CLTCL1: variants seen among roughly 807,000 people sequenced by gnomAD.
CLTCL1 encodes the protein clathrin heavy chain like 1, also known as clathrin heavy chain 2.
In CLTCL1, 159 loss-of-function variants were observed where a neutral mutation model predicts 190.0. The ratio of observed to expected loss-of-function variants is 0.84; its 90% CI spans 0.74 to 0.95. CLTCL1 has a LOEUF of 0.95. Among genes scored for constraint, CLTCL1 ranks in the 40% least tolerant of loss-of-function variants. The pLI is 0.00. For synonymous variants in CLTCL1, 752 were observed against 769.6 expected (o/e 0.98, Z 0.38); for missense variants, 1,878 against 2,033.4 (o/e 0.92, Z 1.47).
chr22:19,275,767 T>A lies in CLTCL1; in HGVS notation c.106A>T (p.Lys36Ter). The A allele has an allele frequency of 6.2e-7, 1 of 1,610,246 alleles. No homozygotes were observed. The highest frequency in any genetic ancestry group is 1.3e-5 in the African/African-American group (1 of 75,024). Residue 36 changes from lysine (K) to a stop codon, truncating the protein, a stop_gained, in exon 2 of 33, where the codon AAG (lysine) becomes TAG (stop). Coordinates refer to ENST00000427926, the MANE Select transcript of CLTCL1 (RefSeq NM_007098.4). LOFTEE classifies it high-confidence loss of function. ...GFSTLTMESD[K>*]FICIREKVGE... is the part of the protein sequence containing the mutation. ...ACTTTCTCTCGGATACATATGAACT[T>A]GTCAGATTCCATGGTCAGTGTGCTG...
At chr22:19,276,885 G>A (rs1284964839) in intron 1 of CLTCL1, among the ~76,000 whole-genome samples, 2 of 152,026 alleles carry the variant, frequency 1.3e-5, no homozygotes, top group African/African-American at 4.8e-5. Context: ...TGTTAGCCAG[G>A]ATGGTCTCAA....
chr22:19,233,322 T>C lies in CLTCL1; in HGVS notation c.1369-4A>G. ...CGAGCTCCTCTGAGCACTCCAGCTG[T>C]GGTATGCCAAGGGACAAGGCAAAGT... On this transcript the variant is annotated splice_polypyrimidine_tract_variant and splice_region_variant and intron_variant, in intron 8 of 32. Transcript: ENST00000427926. The C allele has an allele frequency of 6.2e-7, 1 of 1,611,662 alleles. No homozygotes were observed. The highest frequency in any genetic ancestry group is 1.7e-5 in the Admixed American group (1 of 59,982).
intron 22 of CLTCL1, 24 bp downstream of exon 22, chr22:19,208,130 C>G: frequency 2.5e-6 from 4 of 1,613,570 alleles, no homozygotes; most frequent in Non-Finnish European, 3.4e-6. Context: ...TGGCAGTGCA[C>G]AGCCCCCAGG....
chr22:19,253,902 T>C, intron 3 of CLTCL1, 57 bp downstream of exon 3: 1 of 1,576,162 alleles, frequency 6.3e-7, no homozygotes, highest in Non-Finnish European at 8.7e-7. Flanking sequence ...CACTCCATTC[T>C]AATATTGGGC....
chr22:19,196,902 T>G (rs2084728632), intron 24 of CLTCL1, among the ~76,000 whole-genome samples: 1 of 152,162 alleles, frequency 6.6e-6, no homozygotes, highest in South Asian at 2.1e-4. Context: ...AAGTGCAAAT[T>G]AGTATTGCCA....
intron 2 of CLTCL1, among the ~76,000 whole-genome samples, chr22:19,267,229 TA>T (rs1255386614): frequency 1.3e-5 from 2 of 151,806 alleles, no homozygotes; most frequent in African/African-American, 4.8e-5. Flanking sequence ...TATAATAACA[TA>T]AAAAAAGAAT....
chr22:19,188,317 G>C (rs1191555616), intron 27 of CLTCL1, among the ~76,000 whole-genome samples: 7 of 152,222 alleles, frequency 4.6e-5, no homozygotes, highest in African/African-American at 1.7e-4. Context: ...ACCTTAGAGA[G>C]ACACATGGGT....
intron 20 of CLTCL1, 151 bp downstream of exon 20, chr22:19,210,175 T>A: frequency 1.5e-6 from 1 of 653,130 alleles, no homozygotes; most frequent in Non-Finnish European, 2.5e-6. Flanking sequence ...GCTGGGAAGA[T>A]GGGTTGCTGG....
At position 19,291,657 on chromosome 22, in the gene CLTCL1, TCGG is replaced by T. The variant is rs574306438; in HGVS notation, c.-19_-17del. ...TCTGCGCCATGGCTGGTGCGGGACC[TCGG>T]CGGCGGCGGCGGCAGCGGCAGGAAT... On this transcript the variant is annotated 5_prime_UTR_variant, in exon 1 of 33. Transcript: ENST00000427926. 2.9e-4 allele frequency: 390 copies of T among 1,363,754 alleles called. No individual in the cohort carries two copies. Among genetic ancestry groups the T allele is most frequent in the South Asian group, 1.8e-3 (103 of 58,854 alleles). The allele number at this position is 1,363,754 out of a possible 1,614,324, so 84.5% of individuals were successfully genotyped here. A position where few individuals can be genotyped will look rare whatever the true frequency, so the allele number is the denominator to read the frequency against.
chr22:19,276,183 G>C (rs2087498185), intron 1 of CLTCL1, among the ~76,000 whole-genome samples: 1 of 152,278 alleles, frequency 6.6e-6, no homozygotes, highest in Admixed American at 6.5e-5. Context: ...ACCGAGGAGA[G>C]CTTTGGGAGG....
At chr22:19,194,098 T>TG (rs1412433397) in intron 26 of CLTCL1, among the ~76,000 whole-genome samples, 2 of 152,074 alleles carry the variant, frequency 1.3e-5, no homozygotes, top group Non-Finnish European at 2.9e-5. Context: ...TTTTACAGAG[T>TG]GCTGATTGGT....
intron 2 of CLTCL1, among the ~76,000 whole-genome samples, chr22:19,264,761 A>C (rs2087062871): frequency 6.6e-6 from 1 of 152,138 alleles, no homozygotes; most frequent in Non-Finnish European, 1.5e-5. Context: ...AATTCACAAA[A>C]AGGAGCAACT....
chr22:19,282,012 A>G (rs1555987001), intron 1 of CLTCL1, among the ~76,000 whole-genome samples: 1 of 152,128 alleles, frequency 6.6e-6, no homozygotes, highest in Admixed American at 6.5e-5. Context: ...CTCAACCAGG[A>G]GTGCTATTCT....
At position 19,232,604 on chromosome 22, in the gene CLTCL1, A is replaced by AG; in HGVS notation, c.1522-7dup. On this transcript the variant is annotated splice_polypyrimidine_tract_variant and splice_region_variant and intron_variant, in intron 9 of 32. Transcript: ENST00000427926. ...CAGTCTGGGGTGTACCCAACCTAGA[A>AG]GCAAGGGAGCACCAATCAGGAAAAT... The AG allele has an allele frequency of 6.2e-7, 1 of 1,609,266 alleles. No individual in the cohort carries two copies. Among genetic ancestry groups the AG allele is most frequent in the South Asian group, 1.1e-5 (1 of 90,518 alleles).
At chr22:19,279,215 A>T (rs1225021791) in intron 1 of CLTCL1, among the ~76,000 whole-genome samples, 1 of 152,120 alleles carries the variant, frequency 6.6e-6, no homozygotes, top group Non-Finnish European at 1.5e-5. Context: ...GGTTCACTGC[A>T]ACCTCCGCTT....
chr22:19,254,044 T>C lies in CLTCL1; in HGVS notation c.434A>G (p.His145Arg). 6.2e-7 allele frequency: 1 copy of C among 1,612,252 alleles called. No homozygotes were observed. The highest frequency in any genetic ancestry group is 8.5e-7 in the Non-Finnish European group (1 of 1,179,042). Residue 145 changes from histidine (H) to arginine (R), a missense_variant, in exon 3 of 33, where the codon CAT becomes CGT. Coordinates refer to ENST00000427926, the MANE Select transcript of CLTCL1 (RefSeq NM_007098.4). Reference protein sequence around the residue: ...DSQPMKMFDRHTSLVGCQVIH... With the variant: ...DSQPMKMFDRRTSLVGCQVIH... ...CACCTGGCAGCCCACCAGACTGGTA[T>C]GTCTATCAAACATCTTCATGGGCTG...
chr22:19,257,842 G>A (rs2086813419), intron 2 of CLTCL1: 1 of 1,422,828 alleles, frequency 7.0e-7, no homozygotes. Context: ...GAGAATTAGA[G>A]GCTGGAGAGC....
Position 19,210,602 on chromosome 22 carries a change from T to A in CLTCL1, c.3066-93A>T, listed in dbSNP as rs145829469. ...TCAGGCATCCCCAGACCCCCAGTTTTTTTAAAAAAGTAATTAATATACACA... is the reference window on the plus strand; with the variant it reads ...TCAGGCATCCCCAGACCCCCAGTTTATTTAAAAAAGTAATTAATATACACA... On this transcript the variant is annotated intron_variant, in intron 19 of 32. Transcript: ENST00000427926. 520 of 1,089,422 alleles carry A rather than the reference T, an allele frequency of 4.8e-4. No individual in the cohort carries two copies. The African/African-American group carries it at 7.6e-3, about 16-fold the overall frequency. The allele number at this position is 1,089,422 out of a possible 1,614,324, so 67.5% of individuals were successfully genotyped here.
Position 19,232,589 on chromosome 22 carries a change from T to C in CLTCL1, c.1531A>G (p.Thr511Ala), listed in dbSNP as rs530813963. Residue 511 changes from threonine to alanine, a missense_variant, in exon 10 of 33, where the codon ACC becomes GCC. By Grantham distance (58) the Thr-to-Ala change is moderately conservative. Coordinates refer to ENST00000427926, the MANE Select transcript of CLTCL1 (RefSeq NM_007098.4). ...IVLYAKKVGY[T>A]PDWIFLLRGV... is the part of the protein sequence containing the mutation. ...CTCAGCAGAAAGATCCAGTCTGGGG[T>C]GTACCCAACCTAGAAGCAAGGGAGC... 8 of 1,612,332 alleles carry C rather than the reference T, an allele frequency of 5.0e-6. No homozygotes were observed. Among genetic ancestry groups the C allele is most frequent in the Admixed American group, 1.7e-5 (1 of 59,684 alleles).
Sources: gnomAD v4.1 joint callset for allele counts (sites outside exome capture counted in the v4.1 genomes callset) on GRCh38, gnomAD v4.1.1 for gene constraint, MANE v1.5 for transcripts, NCBI Gene and HGNC (gene_info 2026-07-23, HGNC 2026-07-21) for gene names.